Variants in DDX54 observed in about 807,000 individuals in gnomAD.
The protein encoded by DDX54 is ATP-dependent RNA helicase DDX54.
A neutral mutation model predicts 105.5 loss-of-function variants in DDX54; 67 were observed. That is an observed-to-expected ratio of 0.64 (90% CI 0.52 to 0.78). The LOEUF (loss-of-function observed/expected upper bound fraction) is 0.78, where lower values mean the gene tolerates loss of function less well. DDX54 is among the 30% of genes least tolerant of loss of function. The pLI, the probability that DDX54 is intolerant of heterozygous loss-of-function variation, is 0.00. For synonymous variants in DDX54, 514 were observed against 509.9 expected (o/e 1.01, Z -0.11); for missense variants, 1,206 against 1,230.5 (o/e 0.98, Z 0.30).
At chr12:113,184,182 G>A (rs962756864) in intron 1 of DDX54, among the ~76,000 whole-genome samples, 1 of 152,186 alleles carries the variant, frequency 6.6e-6, no homozygotes, top group African/African-American at 2.4e-5. Context: ...CCGACCTCAG[G>A]TGATCCGCCT....
chr12:113,161,468 G>C (rs1327124866), intron 18 of DDX54, 86 bp from the exon 19 acceptor site: 5 of 1,089,382 alleles, frequency 4.6e-6, no homozygotes, highest in African/African-American at 1.6e-5. Flanking sequence ...ACAGAGTTCC[G>C]TTATCCCAGC....
chr12:113,179,614 G>T (rs1411376439), intron 3 of DDX54, among the ~76,000 whole-genome samples: 2 of 152,202 alleles, frequency 1.3e-5, no homozygotes, highest in Non-Finnish European at 2.9e-5. Context: ...GAACCCCAGA[G>T]AAATGGCTCC....
In DDX54 at chr12:113,174,954, G is replaced by GA; in HGVS notation, c.875-19dup. The GA allele has an allele frequency of 6.2e-7, 1 of 1,612,548 alleles. No individual in the cohort carries two copies. The highest frequency in any genetic ancestry group is 8.5e-7 in the Non-Finnish European group (1 of 1,179,350). ...CGTGAGGCCTGCAGGAGACATGGGG[G>GA]AAAGTGGGGGAGTCGCAGAGGGACT... On this transcript the variant is annotated intron_variant, in intron 8 of 19. Transcript: ENST00000306014.
intron 14 of DDX54, among the ~76,000 whole-genome samples, chr12:113,165,145 TGAC>T (rs1342994451): frequency 6.6e-6 from 1 of 152,222 alleles, no homozygotes; most frequent in African/African-American, 2.4e-5. Flanking sequence ...CTCTTAAACA[TGAC>T]ACTCTCTCCA....
chr12:113,165,282 G>A (rs190255416), intron 14 of DDX54, among the ~76,000 whole-genome samples: 2 of 152,314 alleles, frequency 1.3e-5, no homozygotes, highest in East Asian at 1.9e-4. Flanking sequence ...TTGGGAAGGA[G>A]GGAAAGAAGC....
chr12:113,165,110 AG>A (rs1952256060), intron 14 of DDX54, among the ~76,000 whole-genome samples: 1 of 152,214 alleles, frequency 6.6e-6, no homozygotes, highest in Non-Finnish European at 1.5e-5. Flanking sequence ...TGTCAACCCA[AG>A]TCCATTTGAC....
chr12:113,170,188 G>A (rs918571992), intron 11 of DDX54, among the ~76,000 whole-genome samples: 7 of 152,160 alleles, frequency 4.6e-5, no homozygotes, highest in South Asian at 2.1e-4. Context: ...AGAATTCCCC[G>A]CAAAGATGTA....
chr12:113,159,277 T>C, intron 19 of DDX54, 168 bp from the exon 20 acceptor site: 4 of 725,094 alleles, frequency 5.5e-6, no homozygotes, highest in Non-Finnish European at 6.5e-6. Flanking sequence ...GGCAGCCTCA[T>C]GGAGTGGTCA....
In DDX54 at chr12:113,169,862, A is replaced by G; in HGVS notation, c.1322T>C (p.Leu441Ser). 1 of 1,614,008 alleles carries G rather than the reference A, an allele frequency of 6.2e-7. No individual in the cohort carries two copies. The highest frequency in any genetic ancestry group is 1.1e-5 in the South Asian group (1 of 91,082). ...RAGRSGTAYS[L>S]VAPDEIPYLL... Reference sequence around the variant, plus strand: ...GTAGGGGATTTCATCAGGGGCCACCAAGGAGTAGGCTGTGCCACTTCGGCC... The same window carrying G: ...GTAGGGGATTTCATCAGGGGCCACCGAGGAGTAGGCTGTGCCACTTCGGCC... The change falls in exon 12 of 20, where the codon TTG becomes TCG. Residue 441 changes from leucine (L) to serine (S), a missense_variant. Coordinates refer to ENST00000306014, the MANE Select transcript of DDX54 (RefSeq NM_024072.4).
intron 14 of DDX54, 21 bp downstream of exon 14, chr12:113,165,623 T>C: frequency 6.3e-7 from 1 of 1,586,318 alleles, no homozygotes; most frequent in South Asian, 1.1e-5. Flanking sequence ...CAGAGCGTGG[T>C]CTCCACCCGG....
intron 7 of DDX54, 38 bp from the exon 8 acceptor site, chr12:113,175,195 C>T: frequency 6.4e-7 from 1 of 1,556,548 alleles, no homozygotes; most frequent in Non-Finnish European, 8.7e-7. Flanking sequence ...CAGAGGGGGC[C>T]TTCACTCCCT....
In DDX54 at chr12:113,163,922, C is replaced by A; in HGVS notation, c.1938+145G>T. ...TAAACGAGGGATGGTGGACAAGAAC[C>A]ATGCCCCGACTCTGCAGATGGGAAG... On this transcript the variant is annotated intron_variant, in intron 15 of 19. Coordinates refer to ENST00000306014, the MANE Select transcript of DDX54 (RefSeq NM_024072.4). This position sits in a 1 kb window ranked among gnomAD's most constrained non-coding sequence, Gnocchi z 5.9. 7.1e-7 allele frequency: 1 copy of A among 1,404,096 alleles called. No individual in the cohort carries two copies. Among genetic ancestry groups the A allele is most frequent in the South Asian group, 1.6e-5 (1 of 63,786 alleles). 87.0% of individuals were successfully genotyped at this position (1,404,096 alleles called of 1,614,324 possible). A position where few individuals can be genotyped will look rare whatever the true frequency, so the allele number is the denominator to read the frequency against.
Position 113,185,391 on chromosome 12 carries a change from T to G in DDX54, c.61A>C (p.Arg21=), listed in dbSNP as rs1952518559. 1 of 1,560,466 alleles carries G rather than the reference T, an allele frequency of 6.4e-7. No homozygotes were observed. The highest frequency in any genetic ancestry group is 1.4e-5 in the African/African-American group (1 of 72,478). The change falls in exon 1 of 20, where the codon AGG becomes CGG. Residue 21 remains arginine (R), a synonymous_variant. Coordinates refer to ENST00000306014, the MANE Select transcript of DDX54 (RefSeq NM_024072.4). The part of the protein sequence containing the change: ...PRSRAAMAQW[R]KKKGLRKRRG... ...CGCTTCCGGAGCCCTTTCTTCTTCCTCCACTGGGCCATGGCAGCTCGCGAC... is the reference window on the plus strand; with the variant it reads ...CGCTTCCGGAGCCCTTTCTTCTTCCGCCACTGGGCCATGGCAGCTCGCGAC...
At chr12:113,183,149 G>A (rs532791603) in intron 1 of DDX54, among the ~76,000 whole-genome samples, 17 of 152,280 alleles carry the variant, frequency 1.1e-4, no homozygotes, top group African/African-American at 3.6e-4. Flanking sequence ...CATGAGCCAC[G>A]GCACCGGGCC....
At chr12:113,164,372 C>A (rs1307894178) in intron 14 of DDX54, 87 bp from the exon 15 acceptor site, 10 of 1,442,626 alleles carry the variant, frequency 6.9e-6, no homozygotes, top group African/African-American at 1.4e-5. Flanking sequence ...TATGGGCGTT[C>A]TTCCCCAAGT....
At chr12:113,172,074 T>C (rs1307452009) in intron 11 of DDX54, among the ~76,000 whole-genome samples, 1 of 151,850 alleles carries the variant, frequency 6.6e-6, no homozygotes, top group Non-Finnish European at 1.5e-5. Flanking sequence ...AACAGCTGTA[T>C]GGGTGCTATT....
At chr12:113,160,447 C>T (rs1273399911) in intron 19 of DDX54, among the ~76,000 whole-genome samples, 5 of 152,180 alleles carry the variant, frequency 3.3e-5, no homozygotes, top group Admixed American at 1.3e-4. Context: ...AATGGGTATT[C>T]GCAGTCACCT....
intron 11 of DDX54, among the ~76,000 whole-genome samples, chr12:113,171,354 C>A (rs1376379516): frequency 6.6e-6 from 1 of 152,140 alleles, no homozygotes; most frequent in Non-Finnish European, 1.5e-5. Flanking sequence ...GTAATCACAG[C>A]ACTTTGGGAG....
intron 10 of DDX54, among the ~76,000 whole-genome samples, chr12:113,172,998 A>T (rs1277996547): frequency 4.6e-5 from 7 of 152,188 alleles, no homozygotes; most frequent in African/African-American, 1.4e-4. Flanking sequence ...AGTGCTGAGA[A>T]CAGAGTCTCA....
Sources: allele counts gnomAD v4.1 joint callset (sites outside exome capture counted in the v4.1 genomes callset), GRCh38; gene constraint gnomAD v4.1.1; non-coding constraint Gnocchi (gnomAD v3.1); transcripts MANE v1.5; gene names NCBI Gene and HGNC (gene_info 2026-07-23, HGNC 2026-07-21).